The following ST8SIA2 variants were observed in gnomAD, a reference collection of about 807,000 sequenced individuals.
ST8SIA2 encodes the protein alpha-2,8-sialyltransferase 8B.
In ST8SIA2, 22 loss-of-function variants were observed where a neutral mutation model predicts 37.6. That is an observed-to-expected ratio of 0.58 (90% CI 0.42 to 0.83). ST8SIA2 has a LOEUF of 0.83. Ranked by LOEUF, ST8SIA2 falls within the 40% of genes least tolerant of loss-of-function variation. The probability of loss-of-function intolerance (pLI) is 0.00; values close to 1 mark genes in which losing one functional copy is unlikely to be tolerated. For missense variants in ST8SIA2, 382 were observed against 484.7 expected, an observed-to-expected ratio of 0.79 and a Z score of 1.99; for synonymous variants, 205 against 201.2, an observed-to-expected ratio of 1.02 and a Z score of -0.16.
In ST8SIA2 at chr15:92,411,739, G is replaced by A. The variant is rs529034276; in HGVS notation, c.98+17577G>A. Among the ~76,000 whole-genome samples, 6 of 152,268 alleles carry A rather than the reference G, an allele frequency of 3.9e-5. No homozygotes were observed. In the East Asian group the frequency reaches 1.2e-3, roughly 29 times the overall value. ...ACAGTCACCTCAATGGTGGGCAGCT[G>A]GGGACCAATTCGTAAGAGAATAACA... On this transcript the variant is annotated intron_variant, in intron 1 of 5. Coordinates refer to ENST00000268164, the MANE Select transcript of ST8SIA2 (RefSeq NM_006011.4).
chr15:92,422,037 G>A (rs1247854372), intron 1 of ST8SIA2, among the ~76,000 whole-genome samples: 11 of 152,088 alleles, frequency 7.2e-5, no homozygotes, highest in Admixed American at 5.2e-4. Flanking sequence ...TTTCTCTCTT[G>A]TTACTTAAGT....
At chr15:92,394,241 C>T in intron 1 of ST8SIA2, 79 bp downstream of exon 1, 1 of 1,263,046 alleles carries the variant, frequency 7.9e-7, no homozygotes. Flanking sequence ...CCCTCCGACC[C>T]CCTTTGTGTG....
chr15:92,415,578 C>A (rs934017968), intron 1 of ST8SIA2, among the ~76,000 whole-genome samples: 12 of 151,904 alleles, frequency 7.9e-5, no homozygotes, highest in Non-Finnish European at 1.6e-4. Flanking sequence ...ACCCCGCCCC[C>A]ACAACAAGAG....
chr15:92,410,726 T>G (rs1248037859), intron 1 of ST8SIA2, among the ~76,000 whole-genome samples: 2 of 152,226 alleles, frequency 1.3e-5, no homozygotes, highest in Non-Finnish European at 2.9e-5. Context: ...CCTCCCATGG[T>G]GAGCTGACGT....
intron 1 of ST8SIA2, among the ~76,000 whole-genome samples, chr15:92,403,379 C>G (rs929218342): frequency 5.3e-5 from 8 of 152,134 alleles, no homozygotes; most frequent in African/African-American, 1.9e-4. Flanking sequence ...GTTTTCTGTA[C>G]CATGCAGAGA....
chr15:92,434,978 C>T (rs1346841205), intron 3 of ST8SIA2, among the ~76,000 whole-genome samples: 1 of 152,168 alleles, frequency 6.6e-6, no homozygotes, highest in Admixed American at 6.5e-5. Flanking sequence ...AGCACTGCAG[C>T]CATCATCGGG....
chr15:92,416,228 AGG>A (rs762252408), intron 1 of ST8SIA2, among the ~76,000 whole-genome samples: 2 of 13,034 alleles, frequency 1.5e-4, no homozygotes, highest in African/African-American at 3.3e-4. Context: ...GGACACTTGA[AGG>A]GGGGGTGGGG....
chr15:92,406,899 C>A (rs1027175174), intron 1 of ST8SIA2, among the ~76,000 whole-genome samples: 1 of 150,374 alleles, frequency 6.7e-6, no homozygotes, highest in Non-Finnish European at 1.5e-5. Context: ...GAGGCTGAAG[C>A]AGGAGGATCA....
rs2049993942 is a variant in ST8SIA2, at chr15:92,466,619, T to C, written c.*2234T>C. 1 of 152,184 alleles carries C rather than the reference T, an allele frequency of 6.6e-6. No homozygotes were observed. The highest frequency in any genetic ancestry group is 1.5e-5 in the Non-Finnish European group (1 of 68,058). 9.4% of individuals were successfully genotyped at this position (152,184 alleles called of 1,614,324 possible). A position where few individuals can be genotyped will look rare whatever the true frequency, so the allele number is the denominator to read the frequency against. ...GAACATGGTTTTCCTTCTGCCTATC[T>C]TAGTCATGGCTCCTAAAATTGAAGC... On this transcript the variant is annotated 3_prime_UTR_variant, in exon 6 of 6. Transcript: ENST00000268164.
At chr15:92,435,933 A>G (rs7176692) in intron 3 of ST8SIA2, among the ~76,000 whole-genome samples, 15,265 of 152,080 alleles carry the variant, frequency 0.1, 2,244 homozygotes, top group African/African-American at 0.33. Context: ...GGATGCCACA[A>G]TTCTGAGCAC....
intron 1 of ST8SIA2, among the ~76,000 whole-genome samples, chr15:92,420,023 G>A (rs1339528049): frequency 2.0e-5 from 3 of 152,084 alleles, no homozygotes; most frequent in Non-Finnish European, 4.4e-5. Flanking sequence ...GCACCACCAC[G>A]CCCAGCTAAT....
chr15:92,445,351 G>T (rs1467401037), intron 5 of ST8SIA2, among the ~76,000 whole-genome samples: 2 of 152,224 alleles, frequency 1.3e-5, no homozygotes, highest in African/African-American at 4.8e-5. Flanking sequence ...AACTTTAGTT[G>T]CCTCTTCAGG....
chr15:92,438,241 T>C (rs1429254234), intron 3 of ST8SIA2, 112 bp from the exon 4 acceptor site: 1 of 1,474,498 alleles, frequency 6.8e-7, no homozygotes, highest in Non-Finnish European at 9.5e-7. Context: ...ATACTCTGCG[T>C]GTTTGCTGGG....
chr15:92,430,015 G>T, intron 1 of ST8SIA2, 34 bp from the exon 2 acceptor site: 2 of 1,612,850 alleles, frequency 1.2e-6, no homozygotes, highest in Non-Finnish European at 1.7e-6. Context: ...AGATGAGCTG[G>T]GTTTATAAAT....
At chr15:92,453,872 A>G (rs1485235188) in intron 5 of ST8SIA2, among the ~76,000 whole-genome samples, 1 of 152,202 alleles carries the variant, frequency 6.6e-6, no homozygotes, top group Non-Finnish European at 1.5e-5. Flanking sequence ...TTGCTCTGTG[A>G]GGCTCCAGGT....
intron 1 of ST8SIA2, among the ~76,000 whole-genome samples, chr15:92,396,304 T>G (rs1242435748): frequency 6.6e-6 from 1 of 152,170 alleles, no homozygotes; most frequent in Non-Finnish European, 1.5e-5. Context: ...TGGGCACTCT[T>G]GCCCCACCCA....
At chr15:92,455,109 G>C (rs2049911047) in intron 5 of ST8SIA2, among the ~76,000 whole-genome samples, 2 of 152,130 alleles carry the variant, frequency 1.3e-5, no homozygotes, top group Non-Finnish European at 2.9e-5. Context: ...GAGTAAGCAA[G>C]GTGCAAAAAG....
chr15:92,424,988 C>A (rs953887704), intron 1 of ST8SIA2, among the ~76,000 whole-genome samples: 4 of 152,160 alleles, frequency 2.6e-5, no homozygotes, highest in Non-Finnish European at 5.9e-5. Flanking sequence ...TAGTATTATA[C>A]CTTATTCTAT....
At position 92,394,005 on chromosome 15, in the gene ST8SIA2, GC is replaced by G. The variant is rs2049409743; in HGVS notation, c.-57del. ...CGGAGGCTCCGGCGTCCGCCGCTGC[GC>G]CCTCCGGCCCCTGCTCCTCGCGCCG... On this transcript the variant is annotated 5_prime_UTR_variant, in exon 1 of 6. Coordinates refer to ENST00000268164, the MANE Select transcript of ST8SIA2 (RefSeq NM_006011.4). 1 of 1,350,610 alleles carries G rather than the reference GC, an allele frequency of 7.4e-7. No individual in the cohort carries two copies. Among genetic ancestry groups the G allele is most frequent in the Non-Finnish European group, 1.0e-6 (1 of 1,001,558 alleles). 83.7% of individuals were successfully genotyped at this position (1,350,610 alleles called of 1,614,324 possible). A position where few individuals can be genotyped will look rare whatever the true frequency, so the allele number is the denominator to read the frequency against.
Sources: allele counts gnomAD v4.1 joint callset (sites outside exome capture counted in the v4.1 genomes callset), GRCh38; gene constraint gnomAD v4.1.1; transcripts MANE v1.5; gene names NCBI Gene and HGNC (gene_info 2026-07-23, HGNC 2026-07-21).